The following CCNY variants were observed in gnomAD, a reference collection of about 807,000 sequenced individuals.
CCNY encodes cyclin-Y.
A neutral mutation model predicts 42.8 loss-of-function variants in CCNY; 19 were observed. That is an observed-to-expected ratio of 0.44 (90% CI 0.31 to 0.65). CCNY has a LOEUF of 0.65. CCNY is among the 30% of genes least tolerant of loss of function. The probability of loss-of-function intolerance (pLI) is 0.07; values close to 1 mark genes in which losing one functional copy is unlikely to be tolerated. For synonymous variants in CCNY, 165 were observed against 162.7 expected (o/e 1.01, Z -0.11); for missense variants, 370 against 437.3 (o/e 0.85, Z 1.37).
chr10:35,513,480 C>A (rs913209636), intron 3 of CCNY, among the ~76,000 whole-genome samples: 1 of 152,204 alleles, frequency 6.6e-6, no homozygotes, highest in Non-Finnish European at 1.5e-5. Flanking sequence ...GCATAAAGAA[C>A]ATCCCTGTTG....
At chr10:35,349,985 G>C (rs1160558843) in intron 1 of CCNY, among the ~76,000 whole-genome samples, 1 of 152,176 alleles carries the variant, frequency 6.6e-6, no homozygotes, top group Non-Finnish European at 1.5e-5. Context: ...GGGTTGCAGG[G>C]GTTGCACAGC....
chr10:35,460,396 G>T (rs1839131784), intron 1 of CCNY, among the ~76,000 whole-genome samples: 1 of 152,144 alleles, frequency 6.6e-6, no homozygotes, highest in Non-Finnish European at 1.5e-5. Context: ...TACACCATGG[G>T]TGTCCAATCT....
chr10:35,276,707 AT>A, intron 3 of CCNY, among the ~76,000 whole-genome samples: 1 of 152,166 alleles, frequency 6.6e-6, no homozygotes, highest in Non-Finnish European at 1.5e-5. Flanking sequence ...TGTGAACAGT[AT>A]CCCCTTTCAT....
intron 1 of CCNY, among the ~76,000 whole-genome samples, chr10:35,461,525 TAGC>T (rs1347837490): frequency 6.6e-6 from 1 of 152,136 alleles, no homozygotes; most frequent in East Asian, 1.9e-4. Flanking sequence ...TAATCTGACT[TAGC>T]AGGGTGCTTT....
chr10:35,249,531 G>A (rs1367229299), intron 2 of CCNY, among the ~76,000 whole-genome samples: 1 of 152,134 alleles, frequency 6.6e-6, no homozygotes, highest in African/African-American at 2.4e-5. Context: ...TGGGGTATTT[G>A]AATTTTTAAA....
At chr10:35,471,701 A>T (rs1398010215) in intron 1 of CCNY, among the ~76,000 whole-genome samples, 1 of 152,202 alleles carries the variant, frequency 6.6e-6, no homozygotes, top group Non-Finnish European at 1.5e-5. Flanking sequence ...AGAGTCTGGC[A>T]GGAGGCCCTT....
rs180997651 is a variant in CCNY, at chr10:35,494,844, C to T, written c.230-6657C>T. Among the ~76,000 whole-genome samples the T allele has an allele frequency of 2.1e-3, 321 of 152,214 alleles. 2 individuals carry two copies. The highest frequency in any genetic ancestry group is 3.4e-3 in the Non-Finnish European group (229 of 68,010). On this transcript the variant is annotated intron_variant, in intron 2 of 9. Transcript: ENST00000374704. ...ACATCATGCTTGCTTTGTATATATGCGCACAAAAGAGACTCAAAGGATACA... is the reference window on the plus strand; with the variant it reads ...ACATCATGCTTGCTTTGTATATATGTGCACAAAAGAGACTCAAAGGATACA...
chr10:35,547,630 T>C (rs1276335868), intron 7 of CCNY, among the ~76,000 whole-genome samples: 2 of 152,212 alleles, frequency 1.3e-5, no homozygotes, highest in Non-Finnish European at 2.9e-5. Flanking sequence ...ATCACTCGTA[T>C]GTAGTCCCGC....
chr10:35,491,346 C>T (rs369954322), intron 2 of CCNY, among the ~76,000 whole-genome samples: 3 of 152,312 alleles, frequency 2.0e-5, no homozygotes, highest in East Asian at 3.9e-4. Context: ...AGGCACACAG[C>T]GAGCCCTCAG....
intron 9 of CCNY, among the ~76,000 whole-genome samples, chr10:35,567,489 C>T (rs1841595902): frequency 6.6e-6 from 1 of 152,194 alleles, no homozygotes; most frequent in Non-Finnish European, 1.5e-5. Context: ...CCCAATCCTG[C>T]CTTGGTCTCA....
intron 3 of CCNY, among the ~76,000 whole-genome samples, chr10:35,504,663 G>A (rs1195826994): frequency 2.6e-5 from 4 of 152,136 alleles, no homozygotes; most frequent in African/African-American, 7.2e-5. Flanking sequence ...TTGAGATGGA[G>A]TCTCGCTCTG....
At chr10:35,316,367 G>C (rs909000399) in intron 3 of CCNY, 1 of 152,188 alleles carries the variant, frequency 6.6e-6, no homozygotes, top group African/African-American at 2.4e-5. Flanking sequence ...ACTGCAGTGT[G>C]CATTCCATAT....
At chr10:35,295,389 G>A (rs1835460027) in intron 3 of CCNY, among the ~76,000 whole-genome samples, 1 of 151,748 alleles carries the variant, frequency 6.6e-6, no homozygotes, top group South Asian at 2.1e-4. Context: ...GTGCCACCAC[G>A]CCTGGCTAAT....
At chr10:35,566,613 G>A (rs1191449898) in intron 9 of CCNY, among the ~76,000 whole-genome samples, 2 of 151,176 alleles carry the variant, frequency 1.3e-5, no homozygotes, top group African/African-American at 4.9e-5. Flanking sequence ...AAAGTGCTGG[G>A]ATTACAGACG....
chr10:35,302,536 C>T (rs1835550579), intron 3 of CCNY, among the ~76,000 whole-genome samples: 4 of 152,022 alleles, frequency 2.6e-5, no homozygotes. Context: ...GTCTCGAACT[C>T]CTGACCTCAG....
intron 1 of CCNY, among the ~76,000 whole-genome samples, chr10:35,339,049 T>G (rs992181569): frequency 6.6e-6 from 1 of 152,216 alleles, no homozygotes; most frequent in Admixed American, 6.5e-5. Context: ...CAGGATAGTT[T>G]GAGAGAGTAT....
At chr10:35,339,126 C>G (rs1836118275) in intron 1 of CCNY, among the ~76,000 whole-genome samples, 1 of 152,184 alleles carries the variant, frequency 6.6e-6, no homozygotes, top group African/African-American at 2.4e-5. Flanking sequence ...TATGATTATG[C>G]TAGTTTAAAC....
At chr10:35,341,250 C>G (rs370443720) in intron 1 of CCNY, among the ~76,000 whole-genome samples, 2 of 152,144 alleles carry the variant, frequency 1.3e-5, no homozygotes, top group African/African-American at 4.8e-5. Flanking sequence ...ACTTCCACCC[C>G]GTTCTCTCCC....
At chr10:35,341,546 T>A (rs1836183349) in intron 1 of CCNY, among the ~76,000 whole-genome samples, 1 of 152,238 alleles carries the variant, frequency 6.6e-6, no homozygotes, top group South Asian at 2.1e-4. Context: ...ACCAAGTGCC[T>A]AGAGTAGCAC....
Sources: allele counts gnomAD v4.1 joint callset (sites outside exome capture counted in the v4.1 genomes callset), GRCh38; gene constraint gnomAD v4.1.1; transcripts MANE v1.5; gene names NCBI Gene and HGNC (gene_info 2026-07-23, HGNC 2026-07-21).